The following PCCA variants were observed in gnomAD, a reference collection of about 807,000 sequenced individuals.
PCCA encodes the protein propionyl-CoA carboxylase subunit alpha, also known as propionyl-CoA carboxylase alpha chain, mitochondrial.
Under a neutral mutation model 101.3 loss-of-function variants are expected in PCCA, and 74 were observed. That is an observed-to-expected ratio of 0.73 (90% CI 0.61 to 0.89). PCCA has a LOEUF of 0.89. Among genes scored for constraint, PCCA ranks in the 40% least tolerant of loss-of-function variants. The pLI, the probability that PCCA is intolerant of heterozygous loss-of-function variation, is 0.00. For missense variants in PCCA, 891 were observed against 907.0 expected (o/e 0.98, Z 0.23); for synonymous variants, 294 against 313.6 (o/e 0.94, Z 0.66).
chr13:100,501,064 C>G (rs2085631278), intron 21 of PCCA, among the ~76,000 whole-genome samples: 1 of 152,036 alleles, frequency 6.6e-6, no homozygotes, highest in Non-Finnish European at 1.5e-5. Context: ...ATTGCTTGAA[C>G]CTGGGAGGCG....
intron 8 of PCCA, among the ~76,000 whole-genome samples, chr13:100,238,582 A>G (rs1468285755): frequency 6.6e-6 from 1 of 152,184 alleles, no homozygotes; most frequent in Non-Finnish European, 1.5e-5. Flanking sequence ...AAGGGAAACC[A>G]TAAAATTTGA....
At chr13:100,254,715 G>A (rs1566803748) in intron 8 of PCCA, among the ~76,000 whole-genome samples, 1 of 152,030 alleles carries the variant, frequency 6.6e-6, no homozygotes, top group Admixed American at 6.5e-5. Flanking sequence ...GCCTGAAATC[G>A]ATTTGGCATA....
intron 18 of PCCA, among the ~76,000 whole-genome samples, chr13:100,350,329 C>T (rs567943305): frequency 7.3e-5 from 8 of 109,884 alleles, no homozygotes; most frequent in Non-Finnish European, 1.6e-4. Context: ...TGACGTGATA[C>T]CTAACTATAC....
In PCCA at chr13:100,150,511, G is replaced by A. The variant is rs540630960; in HGVS notation, c.301-4468G>A. On this transcript the variant is annotated intron_variant, in intron 4 of 23. Coordinates refer to ENST00000376285, the MANE Select transcript of PCCA (RefSeq NM_000282.4). Reference sequence around the variant, plus strand: ...GGTAACGGTGGAGCGGGAGAGTATTGCGCCTTCTCCAAGCTCCCCGGCGAG... The same window carrying A: ...GGTAACGGTGGAGCGGGAGAGTATTACGCCTTCTCCAAGCTCCCCGGCGAG... 259 of 1,352,924 alleles carry A rather than the reference G, an allele frequency of 1.9e-4. 2 individuals are homozygous for A. In the African/African-American group the frequency reaches 3.3e-3, roughly 17 times the overall value. 83.8% of individuals were successfully genotyped at this position (1,352,924 alleles called of 1,614,324 possible). A position where few individuals can be genotyped will look rare whatever the true frequency, so the allele number is the denominator to read the frequency against.
chr13:100,326,399 A>C (rs1373237426), intron 16 of PCCA, among the ~76,000 whole-genome samples: 2 of 152,230 alleles, frequency 1.3e-5, no homozygotes, highest in Non-Finnish European at 2.9e-5. Context: ...ATCACATCAG[A>C]CAATGCGGCA....
At chr13:100,372,908 T>G (rs1216941770) in intron 19 of PCCA, among the ~76,000 whole-genome samples, 2 of 151,830 alleles carry the variant, frequency 1.3e-5, no homozygotes, top group Admixed American at 6.6e-5. Context: ...CTTGGCTAAT[T>G]TTTTTTTGTA....
In PCCA at chr13:100,194,718, C is replaced by T. The variant is rs988723836; in HGVS notation, c.469-14614C>T. ...ACAGGCGTGAGCCACTGCGCCCGGC[C>T]GTAAAATTAAATTTAATATCTGATC... On this transcript the variant is annotated intron_variant, in intron 6 of 23. Transcript: ENST00000376285. Among the ~76,000 whole-genome samples the T allele has an allele frequency of 6.6e-5, 10 of 152,256 alleles. 1 individual carries two copies. Among genetic ancestry groups the T allele is most frequent in the Admixed American group, 2.6e-4 (4 of 15,284 alleles).
At chr13:100,417,464 T>C (rs1810055353) in intron 19 of PCCA, among the ~76,000 whole-genome samples, 1 of 152,164 alleles carries the variant, frequency 6.6e-6, no homozygotes, top group African/African-American at 2.4e-5. Context: ...TAGTGAATGA[T>C]TGGTTTCATC....
rs1277066104 is a variant in PCCA at position 100,525,328 on chromosome 13, T to C, written c.2041-2347T>C. Among the ~76,000 whole-genome samples, 4 of 152,236 alleles carry C rather than the reference T, an allele frequency of 2.6e-5. No individual in the cohort carries two copies. The East Asian group carries it at 5.8e-4, about 22-fold the overall frequency. ...TGTCTCGGGCTAAATCCGAGGTTTT[T>C]TTCTGATGAACAACTGGGGACCCAG... On this transcript the variant is annotated intron_variant, in intron 22 of 23. Coordinates refer to ENST00000376285, the MANE Select transcript of PCCA (RefSeq NM_000282.4).
intron 20 of PCCA, among the ~76,000 whole-genome samples, chr13:100,438,857 T>C (rs2080136074): frequency 6.6e-6 from 1 of 152,162 alleles, no homozygotes; most frequent in East Asian, 1.9e-4. Flanking sequence ...CCAAATGTTG[T>C]CATTTCAACA....
chr13:100,442,328 G>A (rs944629625), intron 20 of PCCA, among the ~76,000 whole-genome samples: 6 of 151,986 alleles, frequency 3.9e-5, no homozygotes, highest in African/African-American at 1.2e-4. Flanking sequence ...ACAAACTGTG[G>A]GAGAGTGGTG....
chr13:100,131,510 C>T (rs2050512395), intron 4 of PCCA, among the ~76,000 whole-genome samples: 1 of 152,140 alleles, frequency 6.6e-6, no homozygotes, highest in Non-Finnish European at 1.5e-5. Flanking sequence ...TTTTATTTCA[C>T]ACATTTTTAA....
At chr13:100,506,980 A>G (rs2086132143) in intron 21 of PCCA, among the ~76,000 whole-genome samples, 1 of 152,244 alleles carries the variant, frequency 6.6e-6, no homozygotes, top group Non-Finnish European at 1.5e-5. Context: ...CCGGTTTACC[A>G]AATACCTTAT....
At chr13:100,113,547 CTT>C (rs1196026361) in intron 4 of PCCA, among the ~76,000 whole-genome samples, 1 of 151,226 alleles carries the variant, frequency 6.6e-6, no homozygotes, top group East Asian at 1.9e-4. Flanking sequence ...AAATTATAAA[CTT>C]TTAAATTTTG....
chr13:100,298,424 T>C (rs945810654), intron 12 of PCCA, among the ~76,000 whole-genome samples: 20 of 152,026 alleles, frequency 1.3e-4, no homozygotes, highest in African/African-American at 4.6e-4. Context: ...AGAAACCTTT[T>C]CCCCCCACAT....
intron 6 of PCCA, among the ~76,000 whole-genome samples, chr13:100,202,364 CTT>C (rs1400692259): frequency 6.6e-6 from 1 of 151,962 alleles, no homozygotes; most frequent in Non-Finnish European, 1.5e-5. Context: ...TTAGCTCATA[CTT>C]TCTTTCCTTG....
At chr13:100,216,926 T>C (rs2059554085) in intron 7 of PCCA, among the ~76,000 whole-genome samples, 1 of 150,984 alleles carries the variant, frequency 6.6e-6, no homozygotes, top group African/African-American at 2.4e-5. Flanking sequence ...CTGATCAACA[T>C]GGCGAAACCC....
chr13:100,227,496 G>C (rs941024165), intron 7 of PCCA, among the ~76,000 whole-genome samples: 1 of 152,090 alleles, frequency 6.6e-6, no homozygotes, highest in Non-Finnish European at 1.5e-5. Flanking sequence ...TACTATTCTT[G>C]GGTTGGGTGA....
intron 21 of PCCA, among the ~76,000 whole-genome samples, chr13:100,502,480 T>C (rs2085755568): frequency 6.6e-6 from 1 of 152,238 alleles, no homozygotes; most frequent in African/African-American, 2.4e-5. Flanking sequence ...TGTCTCCTAG[T>C]CTTATTTCAT....
Sources: gnomAD v4.1 joint callset for allele counts (sites outside exome capture counted in the v4.1 genomes callset) on GRCh38, gnomAD v4.1.1 for gene constraint, MANE v1.5 for transcripts, NCBI Gene and HGNC (gene_info 2026-07-23, HGNC 2026-07-21) for gene names.